Variants in SLC25A21 observed in about 807,000 individuals in gnomAD.
SLC25A21 encodes the protein solute carrier family 25 member 21, also known as mitochondrial 2-oxodicarboxylate carrier.
Under a neutral mutation model 43.8 loss-of-function variants are expected in SLC25A21, and 47 were observed. The observed-to-expected ratio is 1.07, with a 90% CI of 0.85 to 1.37. The LOEUF is 1.37. Among genes scored for constraint, SLC25A21 ranks in the 40% most tolerant of loss-of-function variants. The pLI, the probability that SLC25A21 is intolerant of heterozygous loss-of-function variation, is 0.00. For synonymous variants in SLC25A21, 131 were observed against 121.3 expected, an observed-to-expected ratio of 1.08 and a Z score of -0.52; for missense variants, 352 against 350.2, an observed-to-expected ratio of 1.00 and a Z score of -0.04.
chr14:36,741,089 C>T (rs1031280577), intron 3 of SLC25A21, among the ~76,000 whole-genome samples: 1 of 152,110 alleles, frequency 6.6e-6, no homozygotes, highest in African/African-American at 2.4e-5. Flanking sequence ...AATCACATGT[C>T]CTGTCTGCCC....
intron 1 of SLC25A21, among the ~76,000 whole-genome samples, chr14:36,989,735 T>A (rs1960223523): frequency 6.6e-6 from 1 of 152,082 alleles, no homozygotes; most frequent in Admixed American, 6.6e-5. Flanking sequence ...GCTGACAAGT[T>A]CTTAACATTT....
intron 1 of SLC25A21, among the ~76,000 whole-genome samples, chr14:37,048,715 C>T (rs1236874254): frequency 6.6e-6 from 1 of 152,156 alleles, no homozygotes; most frequent in African/African-American, 2.4e-5. Flanking sequence ...GCTTCCTCAC[C>T]TGTAAAACAT....
intron 6 of SLC25A21, among the ~76,000 whole-genome samples, chr14:36,724,648 A>G (rs530258343): frequency 3.2e-4 from 49 of 152,390 alleles, no homozygotes; most frequent in Middle Eastern, 6.8e-3. Flanking sequence ...GGGAATTCTT[A>G]GGTAACTGGA....
chr14:36,860,812 G>T (rs924369705), intron 2 of SLC25A21, among the ~76,000 whole-genome samples: 1 of 152,056 alleles, frequency 6.6e-6, no homozygotes, highest in African/African-American at 2.4e-5. Flanking sequence ...GAAGTTCATC[G>T]CAATGTTGTA....
At chr14:37,051,236 T>C (rs1961699515) in intron 1 of SLC25A21, among the ~76,000 whole-genome samples, 1 of 152,166 alleles carries the variant, frequency 6.6e-6, no homozygotes, top group South Asian at 2.1e-4. Context: ...GAATTCTAAA[T>C]CTCAAAATAT....
intron 1 of SLC25A21, among the ~76,000 whole-genome samples, chr14:37,103,207 GA>G (rs1444424768): frequency 6.6e-6 from 1 of 152,112 alleles, no homozygotes; most frequent in Non-Finnish European, 1.5e-5. Context: ...ACAGTAACAA[GA>G]AAAGGAATAG....
intron 1 of SLC25A21, among the ~76,000 whole-genome samples, chr14:36,958,921 T>TA (rs1342681532): frequency 6.6e-6 from 1 of 152,194 alleles, no homozygotes; most frequent in Non-Finnish European, 1.5e-5. Context: ...TGCAGGCCTG[T>TA]TTGTTTAAGC....
intron 5 of SLC25A21, among the ~76,000 whole-genome samples, chr14:36,729,245 T>A (rs1442933441): frequency 6.6e-6 from 1 of 152,250 alleles, no homozygotes; most frequent in African/African-American, 2.4e-5. Context: ...TTGATAAATG[T>A]ACTCTTTATT....
intron 2 of SLC25A21, among the ~76,000 whole-genome samples, chr14:36,839,637 G>A (rs1372355512): frequency 7.9e-5 from 12 of 152,206 alleles, no homozygotes; most frequent in Admixed American, 6.5e-4. Flanking sequence ...TGTGTATCTT[G>A]GAGATCAAGG....
chr14:36,907,184 T>C (rs1020138409), intron 1 of SLC25A21, among the ~76,000 whole-genome samples: 3 of 152,168 alleles, frequency 2.0e-5, no homozygotes, highest in African/African-American at 7.2e-5. Context: ...TTTTTTATCA[T>C]GTACTTGGAG....
At chr14:36,716,867 A>G (rs1053105467) in intron 6 of SLC25A21, among the ~76,000 whole-genome samples, 1 of 152,184 alleles carries the variant, frequency 6.6e-6, no homozygotes, top group Non-Finnish European at 1.5e-5. Context: ...CTCTAAGGCC[A>G]AAGAAGAGTT....
intron 1 of SLC25A21, among the ~76,000 whole-genome samples, chr14:36,888,507 A>T (rs1365875571): frequency 2.6e-5 from 4 of 151,960 alleles, no homozygotes; most frequent in African/African-American, 9.7e-5. Flanking sequence ...TTATATCTAT[A>T]TATGTTCTGT....
chr14:36,782,015 G>C (rs1402181711), intron 3 of SLC25A21, among the ~76,000 whole-genome samples: 1 of 152,062 alleles, frequency 6.6e-6, no homozygotes, highest in Non-Finnish European at 1.5e-5. Flanking sequence ...TAAGAGTCTT[G>C]GTTGGCAGCT....
In SLC25A21 at chr14:36,727,283, A is replaced by C. The variant is rs76522016; in HGVS notation, c.331-1606T>G. Among the ~76,000 whole-genome samples the C allele has an allele frequency of 7.9e-5, 12 of 152,344 alleles. 1 individual carries two copies. In the East Asian group the frequency reaches 2.3e-3, roughly 29 times the overall value. On this transcript the variant is annotated intron_variant, in intron 5 of 9. Coordinates refer to ENST00000331299, the MANE Select transcript of SLC25A21 (RefSeq NM_030631.4). ...ACAGTTTTCTCATCTGTAAAATGGA[A>C]ATAATAATATCTAATTTCCCTGCTT...
intron 1 of SLC25A21, among the ~76,000 whole-genome samples, chr14:37,120,596 A>T (rs138818450): frequency 1.8e-4 from 28 of 152,266 alleles, no homozygotes; most frequent in African/African-American, 6.5e-4. Context: ...GGAGCACCAG[A>T]TCTGACTGCT....
chr14:36,843,505 C>CATCA lies in SLC25A21; in HGVS notation c.120-29508_120-29505dup, dbSNP rs1431776787. On this transcript the variant is annotated intron_variant, in intron 2 of 9. Coordinates refer to ENST00000331299, the MANE Select transcript of SLC25A21 (RefSeq NM_030631.4). ...CTCATTTATAAAACTCATCTAGAGTCATCAATTTTTAACATTTGCCATGCA... is the reference window on the plus strand; with the variant it reads ...CTCATTTATAAAACTCATCTAGAGTCATCAATCAATTTTTAACATTTGCCATGCA... Among the ~76,000 whole-genome samples, 6 of 152,264 alleles carry CATCA rather than the reference C, an allele frequency of 3.9e-5. No individual in the cohort carries two copies. The East Asian group carries it at 1.2e-3, about 29-fold the overall frequency.
At chr14:36,945,429 G>A (rs377323655) in intron 1 of SLC25A21, among the ~76,000 whole-genome samples, 3 of 152,120 alleles carry the variant, frequency 2.0e-5, no homozygotes, top group Non-Finnish European at 4.4e-5. Flanking sequence ...TCACAGCAGC[G>A]CTATTCATGA....
Position 36,683,882 on chromosome 14 carries a change from T to C in SLC25A21, c.786-2A>G. On this transcript the variant is annotated splice_acceptor_variant, in intron 8 of 9. Coordinates refer to ENST00000331299, the MANE Select transcript of SLC25A21 (RefSeq NM_030631.4). LOFTEE classifies it high-confidence loss of function. ...AGGCCTTTGTACAAAGCTAAAATCC[T>C]GTAATGGGAAGGGAAAGAGAAACGT... 1 of 1,602,970 alleles carries C rather than the reference T, an allele frequency of 6.2e-7. No individual in the cohort carries two copies. Among genetic ancestry groups the C allele is most frequent in the Non-Finnish European group, 8.5e-7 (1 of 1,173,408 alleles).
chr14:37,026,091 A>C (rs1414387766), intron 1 of SLC25A21, among the ~76,000 whole-genome samples: 2 of 152,168 alleles, frequency 1.3e-5, no homozygotes, highest in Non-Finnish European at 2.9e-5. Context: ...GTCCTAAAAA[A>C]AGAAGCAATC....
Sources: allele counts gnomAD v4.1 joint callset (sites outside exome capture counted in the v4.1 genomes callset), GRCh38; gene constraint gnomAD v4.1.1; transcripts MANE v1.5; gene names NCBI Gene and HGNC (gene_info 2026-07-23, HGNC 2026-07-21).